Variants in ANKRD11 observed in about 807,000 individuals in gnomAD.
ANKRD11 encodes the protein ankyrin repeat domain 11, also known as ankyrin repeat domain-containing protein 11.
Under a neutral mutation model 195.7 loss-of-function variants are expected in ANKRD11, and 17 were observed. That is an observed-to-expected ratio of 0.09 (90% CI 0.06 to 0.13). The LOEUF (loss-of-function observed/expected upper bound fraction) is 0.13. Among genes scored for constraint, ANKRD11 ranks in the 10% least tolerant of loss-of-function variants. The pLI is 1.00. For synonymous variants in ANKRD11, 1,953 were observed against 1,528.1 expected (o/e 1.28, Z -6.49); for missense variants, 3,735 against 3,566.1 (o/e 1.05, Z -1.21).
chr16:89,437,878 G>A (rs1164419695), intron 1 of ANKRD11, among the ~76,000 whole-genome samples: 1 of 152,226 alleles, frequency 6.6e-6, no homozygotes, highest in Admixed American at 6.5e-5. Flanking sequence ...GCAGGGCAAT[G>A]CATAATGCAA....
rs765525860 is a variant in ANKRD11 at position 89,282,056 on chromosome 16, G to A, written c.4486C>T (p.His1496Tyr). Residue 1496 changes from histidine to tyrosine, a missense_variant, in exon 9 of 13, where the codon CAC (histidine) becomes TAC (tyrosine). Transcript: ENST00000301030. The stretch of plus-strand genomic sequence containing the variant: ...GTGGCGGGCTTCTGCTCGTCCCTGT[G>A]ATGCCGCAGGAGCTCGTCCCTGTGA... ...RHHRDELLRH[H>Y]RDEQKPATRD... 1 of 1,612,046 alleles carries A rather than the reference G, an allele frequency of 6.2e-7. No individual in the cohort carries two copies. The highest frequency in any genetic ancestry group is 1.1e-5 in the South Asian group (1 of 90,576).
chr16:89,301,118 T>C (rs2035828587), intron 4 of ANKRD11, among the ~76,000 whole-genome samples: 1 of 152,176 alleles, frequency 6.6e-6, no homozygotes, highest in Non-Finnish European at 1.5e-5. Context: ...ATCTATTTTA[T>C]TTTTTATGGA....
chr16:89,476,594 G>C (rs1028980014), intron 1 of ANKRD11, among the ~76,000 whole-genome samples: 1 of 152,218 alleles, frequency 6.6e-6, no homozygotes, highest in African/African-American at 2.4e-5. Context: ...ACTCAGCCAG[G>C]TGGGGCTCTG....
intron 2 of ANKRD11, among the ~76,000 whole-genome samples, chr16:89,415,415 C>A (rs1286837287): frequency 6.6e-6 from 1 of 151,104 alleles, no homozygotes; most frequent in African/African-American, 2.5e-5. Flanking sequence ...CAGGCGCCTG[C>A]CACCATGCCC....
intron 4 of ANKRD11, among the ~76,000 whole-genome samples, chr16:89,304,928 C>T (rs1427344306): frequency 6.6e-6 from 1 of 152,240 alleles, no homozygotes; most frequent in Non-Finnish European, 1.5e-5. Context: ...AGCCCCATAC[C>T]TCGCCCAGGG....
At position 89,280,768 on chromosome 16, in the gene ANKRD11, G is replaced by C; in HGVS notation, c.5774C>G (p.Pro1925Arg). 6.2e-7 allele frequency: 1 copy of C among 1,612,572 alleles called. No individual in the cohort carries two copies. The highest frequency in any genetic ancestry group is 8.5e-7 in the Non-Finnish European group (1 of 1,179,018). Residue 1925 changes from proline to arginine, a missense_variant, in exon 9 of 13, where the codon CCC becomes CGC. Physicochemically the swap from Pro to Arg is moderately radical, Grantham distance 103. Transcript: ENST00000301030. ...CGGCTCCAGGTAGCTGGGCTCCGGG[G>C]GGATGATGGCGGCCGTCGCCTGCTG... ...EDQQATAAII[P>R]PEPSYLEPLD...
At chr16:89,417,569 C>T (rs964630680) in intron 2 of ANKRD11, among the ~76,000 whole-genome samples, 3 of 152,120 alleles carry the variant, frequency 2.0e-5, no homozygotes, top group Non-Finnish European at 2.9e-5. Flanking sequence ...GGAGTCAGGG[C>T]TGGCGAACCA....
At position 89,279,852 on chromosome 16, in the gene ANKRD11, C is replaced by T. The variant is rs1044358936; in HGVS notation, c.6690G>A (p.Arg2230=). Residue 2230 remains arginine (R), a synonymous_variant, in exon 9 of 13, where the codon AGG becomes AGA. Coordinates refer to ENST00000301030, the MANE Select transcript of ANKRD11 (RefSeq NM_013275.6). This position sits in a 1 kb window ranked among gnomAD's most constrained non-coding sequence, Gnocchi z 5.6. ...CGCTGGAGTCCGGATCCCCACGGGC[C>T]CTCTCTTCCGGCACCGTCTCCGCCT... ...AVEAETVPEE[R]ARGDPDSSVE... is the part of the protein sequence containing the mutation. 2.4e-5 allele frequency: 37 copies of T among 1,552,654 alleles called. No homozygotes were observed. Among genetic ancestry groups the T allele is most frequent in the Non-Finnish European group, 3.2e-5 (37 of 1,150,388 alleles).
At chr16:89,367,151 G>A (rs2039982733) in intron 2 of ANKRD11, among the ~76,000 whole-genome samples, 2 of 152,162 alleles carry the variant, frequency 1.3e-5, no homozygotes, top group Admixed American at 6.5e-5. Context: ...CCATCGGTGA[G>A]GAAGAGCAGG....
At chr16:89,322,901 C>T (rs750378760) in intron 2 of ANKRD11, among the ~76,000 whole-genome samples, 30 of 152,302 alleles carry the variant, frequency 2.0e-4, no homozygotes, top group South Asian at 4.1e-4. Flanking sequence ...TGGAGTGCAG[C>T]GGTGTGATCA....
At chr16:89,396,195 A>G (rs1465710112) in intron 2 of ANKRD11, 1 of 152,236 alleles carries the variant, frequency 6.6e-6, no homozygotes, top group African/African-American at 2.4e-5. Flanking sequence ...GAAGAACTAA[A>G]AGTCTCCCTG....
chr16:89,357,087 T>C (rs891247777), intron 2 of ANKRD11, among the ~76,000 whole-genome samples: 2 of 151,988 alleles, frequency 1.3e-5, no homozygotes, highest in African/African-American at 4.8e-5. Flanking sequence ...AGGGCAGTGG[T>C]GGGGATGAGG....
intron 3 of ANKRD11, among the ~76,000 whole-genome samples, chr16:89,309,226 T>C (rs972602003): frequency 5.9e-5 from 9 of 152,126 alleles, no homozygotes; most frequent in Non-Finnish European, 1.0e-4. Context: ...CCACAAATGC[T>C]GGGCATGGCC....
intron 2 of ANKRD11, among the ~76,000 whole-genome samples, chr16:89,346,250 G>GA (rs35573539): frequency 0.5 from 47,891 of 96,594 alleles, 11,667 homozygotes; most frequent in Middle Eastern, 0.58. Context: ...CCCGTCTCAG[G>GA]AAAAAAAAAA....
At chr16:89,398,666 C>T (rs956858639) in intron 2 of ANKRD11, among the ~76,000 whole-genome samples, 2 of 151,946 alleles carry the variant, frequency 1.3e-5, no homozygotes, top group Admixed American at 6.6e-5. Context: ...GGTTTGAGCC[C>T]GGGAGGTTGA....
chr16:89,395,346 C>G (rs183827799), intron 2 of ANKRD11, among the ~76,000 whole-genome samples: 1 of 152,200 alleles, frequency 6.6e-6, no homozygotes, highest in Non-Finnish European at 1.5e-5. Flanking sequence ...GGAACCCTGA[C>G]GGCAAGCTGT....
chr16:89,483,556 T>G (rs1043022220), intron 1 of ANKRD11, among the ~76,000 whole-genome samples: 1 of 152,232 alleles, frequency 6.6e-6, no homozygotes. Flanking sequence ...AGGCCGGGCA[T>G]GGTGGCTCAC....
At chr16:89,446,618 AC>A (rs2043805046) in intron 1 of ANKRD11, among the ~76,000 whole-genome samples, 1 of 151,948 alleles carries the variant, frequency 6.6e-6, no homozygotes, top group Non-Finnish European at 1.5e-5. Context: ...AAAAACAAAA[AC>A]CAAAAAAAAC....
At chr16:89,441,580 A>T (rs1163890406) in intron 1 of ANKRD11, among the ~76,000 whole-genome samples, 1 of 151,918 alleles carries the variant, frequency 6.6e-6, no homozygotes, top group Non-Finnish European at 1.5e-5. Flanking sequence ...ATCCTGGCTA[A>T]CATGGTAAAA....
Sources: allele counts gnomAD v4.1 joint callset (sites outside exome capture counted in the v4.1 genomes callset), GRCh38; gene constraint gnomAD v4.1.1; non-coding constraint Gnocchi (gnomAD v3.1); transcripts MANE v1.5; gene names NCBI Gene and HGNC (gene_info 2026-07-23, HGNC 2026-07-21).